KLF8: variants seen among roughly 807,000 people sequenced by gnomAD.
The protein encoded by KLF8 is Krueppel-like factor 8.
A neutral mutation model predicts 18.2 loss-of-function variants in KLF8; 10 were observed. The ratio of observed to expected loss-of-function variants is 0.55; its 90% confidence interval spans 0.34 to 0.93. The LOEUF is 0.93. Among genes scored for constraint, KLF8 ranks in the 40% least tolerant of loss-of-function variants. The pLI, the probability that KLF8 is intolerant of heterozygous loss-of-function variation, is 0.02. For missense variants in KLF8, 264 were observed against 277.9 expected, an observed-to-expected ratio of 0.95 and a Z score of 0.36; for synonymous variants, 109 against 97.3, an observed-to-expected ratio of 1.12 and a Z score of -0.71.
chrX:56,020,418 G>A, the KLF8 span, among the ~76,000 whole-genome samples: 5 of 111,900 alleles, frequency 4.5e-5, no homozygotes, highest in African/African-American at 1.6e-4. Context: ...TGAAACAGTG[G>A]GCCTTAAAGT....
the KLF8 span, among the ~76,000 whole-genome samples, chrX:55,970,167 A>G: frequency 9.0e-6 from 1 of 111,465 alleles, no homozygotes; most frequent in Non-Finnish European, 1.9e-5. Flanking sequence ...TGAATTGAAA[A>G]TCCTCAACAA....
chrX:55,963,404 A>C, the KLF8 span, among the ~76,000 whole-genome samples: 16 of 111,484 alleles, frequency 1.4e-4, no homozygotes, highest in African/African-American at 4.9e-4. Context: ...GGCACAGGGC[A>C]GTACCAGGAA....
the KLF8 span, among the ~76,000 whole-genome samples, chrX:56,104,677 A>G: frequency 2.7e-5 from 3 of 111,152 alleles, no homozygotes; most frequent in African/African-American, 9.8e-5. Flanking sequence ...TCCTGGATTC[A>G]TTGATTTTTT....
intron 1 of KLF8, among the ~76,000 whole-genome samples, chrX:56,249,813 C>T (rs1416457347): frequency 1.8e-5 from 2 of 111,274 alleles, no homozygotes; most frequent in Non-Finnish European, 3.8e-5. Context: ...ATTTAAGAGA[C>T]GTAGACAGAT....
chrX:55,937,238 A>T, the KLF8 span, among the ~76,000 whole-genome samples: 1 of 111,663 alleles, frequency 9.0e-6, no homozygotes, highest in African/African-American at 3.3e-5. Flanking sequence ...TTCTGCAGCG[A>T]CCACTGCTGA....
At chrX:55,982,137 A>G in the KLF8 span, among the ~76,000 whole-genome samples, 1 of 111,066 alleles carries the variant, frequency 9.0e-6, no homozygotes, top group East Asian at 2.8e-4. Flanking sequence ...CAGTAGAGAT[A>G]CTCTCCAGGA....
chrX:56,163,398 G>C, the KLF8 span, among the ~76,000 whole-genome samples: 1 of 111,869 alleles, frequency 8.9e-6, no homozygotes, highest in Non-Finnish European at 1.9e-5. Flanking sequence ...GTCTTCTTTT[G>C]AAAAGTGCCT....
the KLF8 span, among the ~76,000 whole-genome samples, chrX:56,163,496 C>G: frequency 1.8e-5 from 2 of 111,281 alleles, no homozygotes; most frequent in African/African-American, 6.5e-5. Context: ...GGATATTAGA[C>G]CTTTGTCAGA....
the KLF8 span, among the ~76,000 whole-genome samples, chrX:56,052,414 T>C: frequency 1.8e-5 from 2 of 111,887 alleles, no homozygotes; most frequent in Non-Finnish European, 3.8e-5. Context: ...CTACTTTTGG[T>C]CTTTGATGAT....
At chrX:55,941,552 G>A in the KLF8 span, among the ~76,000 whole-genome samples, 2 of 111,976 alleles carry the variant, frequency 1.8e-5, no homozygotes, top group African/African-American at 6.5e-5. Flanking sequence ...CTTCTGCAGA[G>A]CAAAAGAAAC....
the KLF8 span, among the ~76,000 whole-genome samples, chrX:56,007,148 C>T: frequency 1.8e-5 from 2 of 112,203 alleles, no homozygotes; most frequent in African/African-American, 3.2e-5. Flanking sequence ...ATCCAGTGCA[C>T]TGCTAGAGTT....
At chrX:56,234,565 T>A (rs1327761883) in intron 1 of KLF8, among the ~76,000 whole-genome samples, 1 of 112,620 alleles carries the variant, frequency 8.9e-6, no homozygotes, top group Non-Finnish European at 1.9e-5. Context: ...ACTGAATTAG[T>A]TTGTCCAAAG....
chrX:56,158,409 T>A, the KLF8 span, among the ~76,000 whole-genome samples: 1 of 112,051 alleles, frequency 8.9e-6, no homozygotes, highest in Non-Finnish European at 1.9e-5. Context: ...TAAAGTAGTT[T>A]TTTCCAATTC....
chrX:56,052,913 T>A, the KLF8 span, among the ~76,000 whole-genome samples: 1 of 111,274 alleles, frequency 9.0e-6, no homozygotes, highest in African/African-American at 3.3e-5. Context: ...GCTAGCAATC[T>A]GCGAGACTCC....
At chrX:55,966,730 C>T in the KLF8 span, among the ~76,000 whole-genome samples, 1 of 111,390 alleles carries the variant, frequency 9.0e-6, no homozygotes, top group Admixed American at 9.6e-5. Flanking sequence ...GATGAACATC[C>T]ACATGCAAAA....
the KLF8 span, among the ~76,000 whole-genome samples, chrX:56,030,833 G>C: frequency 1.8e-5 from 2 of 108,573 alleles, no homozygotes; most frequent in Non-Finnish European, 3.8e-5. Flanking sequence ...TCTGTCAGCG[G>C]GTGGAGTGAG....
chrX:56,190,111 A>G, the KLF8 span, among the ~76,000 whole-genome samples: 1 of 111,530 alleles, frequency 9.0e-6, no homozygotes, highest in Non-Finnish European at 1.9e-5. Flanking sequence ...AAAGAAACAT[A>G]TACAATAAAA....
At chrX:56,077,218 T>C in the KLF8 span, among the ~76,000 whole-genome samples, 1 of 112,151 alleles carries the variant, frequency 8.9e-6, no homozygotes, top group Non-Finnish European at 1.9e-5. Flanking sequence ...TCCTTGCCCA[T>C]GCCTATGTCC....
the KLF8 span, among the ~76,000 whole-genome samples, chrX:56,185,247 C>A: frequency 4.5e-5 from 5 of 111,543 alleles, no homozygotes; most frequent in Admixed American, 3.8e-4. Flanking sequence ...CAGGAGCCAA[C>A]AAGATCAACT....
Sources: allele counts gnomAD v4.1 joint callset (sites outside exome capture counted in the v4.1 genomes callset), GRCh38; gene constraint gnomAD v4.1.1; transcripts MANE v1.5; gene names NCBI Gene and HGNC (gene_info 2026-07-23, HGNC 2026-07-21).